The following SPEN variants were observed in gnomAD, a reference collection of about 807,000 sequenced individuals.
The protein encoded by SPEN is spen family transcriptional repressor.
Under a neutral mutation model 269.9 loss-of-function variants are expected in SPEN, and 18 were observed. The ratio of observed to expected loss-of-function variants is 0.07; its 90% CI spans 0.05 to 0.10. The LOEUF is 0.10. Among genes scored for constraint, SPEN ranks in the 10% least tolerant of loss-of-function variants. SPEN has a pLI of 1.00. For missense variants in SPEN, 3,822 were observed against 4,631.2 expected, an observed-to-expected ratio of 0.83 and a Z score of 5.07; for synonymous variants, 1,726 against 1,765.7, an observed-to-expected ratio of 0.98 and a Z score of 0.56.
At chr1:15,856,103 C>T (rs1003555262) in intron 1 of SPEN, among the ~76,000 whole-genome samples, 7 of 146,810 alleles carry the variant, frequency 4.8e-5, no homozygotes, top group African/African-American at 1.5e-4. Flanking sequence ...CACCATTCTG[C>T]GTCAGCCTCC....
In SPEN at chr1:15,934,404, C is replaced by T; in HGVS notation, c.8164C>T (p.Pro2722Ser). 6.2e-7 allele frequency: 1 copy of T among 1,613,774 alleles called. No individual in the cohort carries two copies. Among genetic ancestry groups the T allele is most frequent in the Non-Finnish European group, 8.5e-7 (1 of 1,180,040 alleles). The change falls in exon 11 of 15, where the codon CCA becomes TCA. Residue 2722 changes from proline to serine, a missense_variant. Physicochemically the swap from Pro to Ser is moderately conservative, Grantham distance 74. This residue lies in a region of SPEN where 329 missense variants were observed against 431.2 expected (regional missense o/e 0.76). Coordinates refer to ENST00000375759, the MANE Select transcript of SPEN (RefSeq NM_015001.3). The surrounding 1 kb of genome is among the most constrained non-coding windows in gnomAD (Gnocchi z 9.2). ...CACGGTGGGCACAGTGAATGCCGCC[C>T]CAGGCACAGTCAATGCCGCTGCGAG... is the stretch of plus-strand genomic sequence containing the variant. ...NATVGTVNAA[P>S]GTVNAAASAV...
chr1:15,933,095 A>C lies in SPEN; in HGVS notation c.6855A>C (p.Pro2285=). The C allele has an allele frequency of 6.2e-7, 1 of 1,614,230 alleles. No homozygotes were observed. Among genetic ancestry groups the C allele is most frequent in the East Asian group, 2.2e-5 (1 of 44,892 alleles). Residue 2285 remains proline (P), a synonymous_variant, in exon 11 of 15, where the codon CCA becomes CCC. Transcript: ENST00000375759. The surrounding 1 kb of genome is among the most constrained non-coding windows in gnomAD (Gnocchi z 5.7). The stretch of plus-strand genomic sequence containing the variant: ...CTGCTACAGAATCTTCTAGGCCTCC[A>C]GTCAATGCTCCTGACCCCTCAGCCG... ...TEAATESSRP[P]VNAPDPSAGP... is the part of the protein sequence containing the mutation.
intron 5 of SPEN, among the ~76,000 whole-genome samples, chr1:15,914,993 GA>G (rs927442118): frequency 3.3e-5 from 5 of 152,258 alleles, no homozygotes; most frequent in African/African-American, 1.2e-4. Context: ...GTTAGTATGA[GA>G]GGGGCGAAAT....
intron 6 of SPEN, among the ~76,000 whole-genome samples, chr1:15,916,856 G>A (rs1409445885): frequency 6.6e-6 from 1 of 152,224 alleles, no homozygotes; most frequent in African/African-American, 2.4e-5. Context: ...GCTGAGCATG[G>A]TGGCTCACAC....
intron 1 of SPEN, among the ~76,000 whole-genome samples, chr1:15,857,412 A>G (rs2070398306): frequency 6.6e-6 from 1 of 151,348 alleles, no homozygotes; most frequent in African/African-American, 2.4e-5. Flanking sequence ...GCTGGAGTGC[A>G]GTGGCGTGAT....
At chr1:15,914,473 A>T (rs1489537343) in intron 5 of SPEN, among the ~76,000 whole-genome samples, 1 of 152,216 alleles carries the variant, frequency 6.6e-6, no homozygotes, top group East Asian at 1.9e-4. Context: ...AAGTTTATAA[A>T]TGGAGCTTCA....
chr1:15,907,365 C>T (rs182180907), intron 3 of SPEN, among the ~76,000 whole-genome samples: 22 of 152,080 alleles, frequency 1.4e-4, no homozygotes, highest in Non-Finnish European at 2.6e-4. Flanking sequence ...GCCTGTAATC[C>T]CAGCTACTCG....
In SPEN at chr1:15,937,729, C is replaced by T. The variant is rs2071290773; in HGVS notation, c.10510-83C>T. The T allele has an allele frequency of 6.2e-7, 1 of 1,606,592 alleles. No homozygotes were observed. Among genetic ancestry groups the T allele is most frequent in the East Asian group, 2.2e-5 (1 of 44,764 alleles). The stretch of plus-strand genomic sequence containing the variant: ...CCTAAGATTCCCTAGTTAACAGACC[C>T]ACAAGCTACAGCCTCTGGCTGTGTC... On this transcript the variant is annotated intron_variant, in intron 12 of 14. Transcript: ENST00000375759. This position sits in a 1 kb window ranked among gnomAD's most constrained non-coding sequence, Gnocchi z 5.7.
chr1:15,906,988 A>C (rs1570033835), intron 3 of SPEN, among the ~76,000 whole-genome samples: 1 of 151,796 alleles, frequency 6.6e-6, no homozygotes, highest in East Asian at 1.9e-4. Context: ...TATGTTGACC[A>C]GGCTGGTTTT....
intron 2 of SPEN, among the ~76,000 whole-genome samples, chr1:15,875,772 CAT>C (rs925219688): frequency 1.3e-5 from 2 of 152,066 alleles, no homozygotes; most frequent in African/African-American, 2.4e-5. Flanking sequence ...TAAGTTAAAA[CAT>C]AGCATGGAAA....
intron 2 of SPEN, among the ~76,000 whole-genome samples, chr1:15,875,648 C>A (rs1016506027): frequency 6.6e-6 from 1 of 151,612 alleles, no homozygotes; most frequent in Non-Finnish European, 1.5e-5. Flanking sequence ...TTTTTTATAA[C>A]TATCCAAGCA....
chr1:15,877,032 CTAT>C (rs1298075493), intron 3 of SPEN, among the ~76,000 whole-genome samples: 7 of 152,022 alleles, frequency 4.6e-5, no homozygotes, highest in African/African-American at 1.7e-4. Flanking sequence ...CAATTTATTT[CTAT>C]TATTTTGATT....
intron 2 of SPEN, among the ~76,000 whole-genome samples, chr1:15,875,517 C>T (rs2070622298): frequency 6.6e-6 from 1 of 151,980 alleles, no homozygotes; most frequent in Non-Finnish European, 1.5e-5. Context: ...CATAGAGTAG[C>T]ATGTGGTAAC....
intron 1 of SPEN, among the ~76,000 whole-genome samples, chr1:15,849,466 C>A (rs1008586529): frequency 6.6e-6 from 1 of 152,238 alleles, no homozygotes; most frequent in East Asian, 1.9e-4. Flanking sequence ...GCCGCTGGAG[C>A]GCGCGTCTGC....
chr1:15,884,326 T>C (rs1484769826), intron 3 of SPEN, among the ~76,000 whole-genome samples: 1 of 152,230 alleles, frequency 6.6e-6, no homozygotes, highest in Non-Finnish European at 1.5e-5. Context: ...TTTACTCACA[T>C]ATCCTTTTGT....
At position 15,911,120 on chromosome 1, in the gene SPEN, C is replaced by G; in HGVS notation, c.1062C>G (p.Gly354=). ...VRSTDTSLKD[G]LFHEFKKFGK... ...ATTTAGATACAAGCCTTAAAGATGG[C>G]CTTTTCCATGAATTTAAGAAATTTG... Residue 354 remains glycine (G), a synonymous_variant, in exon 5 of 15, where the codon GGC becomes GGG. Transcript: ENST00000375759. 6.2e-7 allele frequency: 1 copy of G among 1,613,284 alleles called. No homozygotes were observed. The highest frequency in any genetic ancestry group is 1.1e-5 in the South Asian group (1 of 90,752).
chr1:15,885,323 C>CT (rs907779358), intron 3 of SPEN, among the ~76,000 whole-genome samples: 45 of 152,078 alleles, frequency 3.0e-4, no homozygotes, highest in Non-Finnish European at 6.5e-4. Flanking sequence ...TTTAGATCGT[C>CT]TAGAGGTTTC....
At position 15,915,518 on chromosome 1, in the gene SPEN, T is replaced by C. The variant is rs1010096140; in HGVS notation, c.1244-610T>C. Among the ~76,000 whole-genome samples, 13 of 152,154 alleles carry C rather than the reference T, an allele frequency of 8.5e-5. 1 individual carries two copies. Among genetic ancestry groups the C allele is most frequent in the African/African-American group, 3.1e-4 (13 of 41,514 alleles). ...ACAACAGATCACCTTAGCAAAGATA[T>C]CTATCTATTTTATTTTTTCTATTTT... On this transcript the variant is annotated intron_variant, in intron 5 of 14. Coordinates refer to ENST00000375759, the MANE Select transcript of SPEN (RefSeq NM_015001.3).
intron 1 of SPEN, among the ~76,000 whole-genome samples, chr1:15,863,921 A>G (rs943278322): frequency 6.6e-6 from 1 of 152,182 alleles, no homozygotes; most frequent in African/African-American, 2.4e-5. Flanking sequence ...ATGCATCTCT[A>G]ATGTCGATGA....
Sources: allele counts gnomAD v4.1 joint callset (sites outside exome capture counted in the v4.1 genomes callset), GRCh38; gene constraint gnomAD v4.1.1; regional missense constraint gnomAD v4.1.1; non-coding constraint Gnocchi (gnomAD v3.1); transcripts MANE v1.5; gene names NCBI Gene and HGNC (gene_info 2026-07-23, HGNC 2026-07-21).